The following AP2A1 variants were observed in gnomAD, a reference collection of about 807,000 sequenced individuals.
AP2A1 encodes AP-2 complex subunit alpha-1.
AP2A1 carries 21 observed loss-of-function variants against 107.3 expected under a neutral mutation model. The observed-to-expected ratio is 0.20, with a 90% CI of 0.14 to 0.28. AP2A1 has a LOEUF of 0.28. Ranked by LOEUF, AP2A1 falls within the 10% of genes least tolerant of loss-of-function variation. AP2A1 has a pLI of 1.00. For synonymous variants in AP2A1, 602 were observed against 564.8 expected (o/e 1.07, Z -0.93); for missense variants, 873 against 1,307.7 (o/e 0.67, Z 5.13).
At chr19:49,805,319 A>G (rs1265640030) in intron 18 of AP2A1, 134 bp from the exon 19 acceptor site, 1 of 1,083,492 alleles carries the variant, frequency 9.2e-7, no homozygotes, top group Non-Finnish European at 1.3e-6. Flanking sequence ...ACCTTGTAGG[A>G]TTGAGTCCAG....
intron 15 of AP2A1, 64 bp from the exon 16 acceptor site, chr19:49,802,885 C>T: frequency 2.6e-6 from 4 of 1,541,954 alleles, no homozygotes; most frequent in Non-Finnish European, 3.5e-6. Flanking sequence ...CGCACTCAAT[C>T]GCTCTGGGCC....
At position 49,802,120 on chromosome 19, in the gene AP2A1, C is replaced by T. The variant is rs968855911; in HGVS notation, c.2093C>T (p.Thr698Ile). Reference sequence around the variant, plus strand: ...GCCGCCCAGCCCAGCCTGGGGCCCACCCCCGAGGAGGCCTTCCTCAGGTAG... The same window carrying T: ...GCCGCCCAGCCCAGCCTGGGGCCCATCCCCGAGGAGGCCTTCCTCAGGTAG... ...GPAAQPSLGP[T>I]PEEAFLSPGP... The change falls in exon 15 of 23, where the codon ACC becomes ATC. Residue 698 changes from threonine to isoleucine, a missense_variant. By Grantham distance (89) the Thr-to-Ile change is moderately conservative. Coordinates refer to ENST00000354293, the MANE Select transcript of AP2A1 (RefSeq NM_130787.3). The T allele has an allele frequency of 1.3e-6, 2 of 1,579,022 alleles. No homozygotes were observed. The highest frequency in any genetic ancestry group is 1.1e-5 in the South Asian group (1 of 88,082).
rs964620382 is a variant in AP2A1, at chr19:49,792,037, G to A, written c.576G>A (p.Val192=). 6.2e-7 allele frequency: 1 copy of A among 1,612,470 alleles called. No homozygotes were observed. The highest frequency in any genetic ancestry group is 8.5e-7 in the Non-Finnish European group (1 of 1,179,472). ...CCATGGGCGAGTGGACGGCGCGTGT[G>A]GTACACCTGCTCAATGACCAGCACA... ...LVPMGEWTAR[V]VHLLNDQHMG... The change falls in exon 5 of 23, where the codon GTG becomes GTA. Residue 192 remains valine, a synonymous_variant. Transcript: ENST00000354293.
At chr19:49,792,962 C>A (rs368505857) in intron 5 of AP2A1, 29 bp from the exon 6 acceptor site, 2 of 1,562,182 alleles carry the variant, frequency 1.3e-6, no homozygotes, top group Non-Finnish European at 1.7e-6. Flanking sequence ...CCCCCAGGGG[C>A]CTGACTTGTC....
rs2123702278 is a variant in AP2A1 at position 49,785,410 on chromosome 19, G to T, written c.473+2686G>T. 6.6e-6 allele frequency among the ~76,000 whole-genome samples: 1 copy of T among 152,278 alleles called. No homozygotes were observed. The highest frequency in any genetic ancestry group is 2.1e-4 in the South Asian group (1 of 4,828). On this transcript the variant is annotated intron_variant, in intron 4 of 22. Transcript: ENST00000354293. This position sits in a 1 kb window ranked among gnomAD's most constrained non-coding sequence, Gnocchi z 4.1. ...AGGATGAGGTGGGGACATTGAACAG[G>T]TGAGTGAATGATGGCAGACCTTTCA...
chr19:49,803,078 C>T (rs374705287), intron 16 of AP2A1, 29 bp from the exon 17 acceptor site: 8 of 1,613,692 alleles, frequency 5.0e-6, no homozygotes, highest in Non-Finnish European at 5.9e-6. Context: ...ACAGGCACCC[C>T]CGTCATCTTG....
At chr19:49,780,779 G>A (rs1262721577) in intron 1 of AP2A1, among the ~76,000 whole-genome samples, 1 of 152,138 alleles carries the variant, frequency 6.6e-6, no homozygotes. Flanking sequence ...GGGAGGCTGA[G>A]GTGGGAGGAT....
intron 18 of AP2A1, 81 bp downstream of exon 18, chr19:49,803,457 C>T: frequency 8.8e-7 from 1 of 1,142,354 alleles, no homozygotes; most frequent in South Asian, 1.3e-5. Context: ...GACCCAGGTC[C>T]ACACTTCTCT....
At chr19:49,775,729 G>C (rs971398344) in intron 1 of AP2A1, among the ~76,000 whole-genome samples, 14 of 152,186 alleles carry the variant, frequency 9.2e-5, no homozygotes, top group Non-Finnish European at 1.6e-4. Context: ...AGGATTCAGG[G>C]CTGCTGGGGC....
At chr19:49,771,094 C>T (rs2084551517) in intron 1 of AP2A1, among the ~76,000 whole-genome samples, 1 of 151,226 alleles carries the variant, frequency 6.6e-6, no homozygotes, top group African/African-American at 2.4e-5. Context: ...TCAGGTGATC[C>T]ACTACCCCAG....
At chr19:49,770,339 G>A (rs2084544280) in intron 1 of AP2A1, among the ~76,000 whole-genome samples, 2 of 152,108 alleles carry the variant, frequency 1.3e-5, no homozygotes, top group African/African-American at 2.4e-5. Flanking sequence ...AGGAATTAGG[G>A]CTGGAGAATC....
intron 1 of AP2A1, among the ~76,000 whole-genome samples, chr19:49,775,547 T>G (rs188066329): frequency 6.6e-6 from 1 of 152,312 alleles, no homozygotes; most frequent in African/African-American, 2.4e-5. Context: ...ACTCCTGACC[T>G]CAAGTGATCC....
intron 1 of AP2A1, among the ~76,000 whole-genome samples, chr19:49,770,846 G>A (rs2084548768): frequency 6.6e-6 from 1 of 152,012 alleles, no homozygotes; most frequent in Admixed American, 6.6e-5. Context: ...GCTCATGAAT[G>A]CATAGGTTCT....
At chr19:49,778,871 C>T (rs1214391535) in intron 1 of AP2A1, among the ~76,000 whole-genome samples, 2 of 147,628 alleles carry the variant, frequency 1.4e-5, no homozygotes, top group African/African-American at 5.0e-5. Context: ...TTATGGTATG[C>T]ATATGTATAT....
chr19:49,794,830 T>C (rs1168781772), intron 6 of AP2A1, among the ~76,000 whole-genome samples: 1 of 152,120 alleles, frequency 6.6e-6, no homozygotes, highest in Non-Finnish European at 1.5e-5. Flanking sequence ...GCCCAGCTAA[T>C]TTTTGTATTT....
chr19:49,792,089 C>T (rs575342456), intron 5 of AP2A1, 25 bp downstream of exon 5: 51 of 1,605,610 alleles, frequency 3.2e-5, no homozygotes, highest in South Asian at 1.2e-4. Flanking sequence ...CTCACACCCC[C>T]GGATACCCAG....
chr19:49,798,674 A>C (rs1365955269), intron 7 of AP2A1, 128 bp from the exon 8 acceptor site: 1 of 1,270,508 alleles, frequency 7.9e-7, no homozygotes, highest in African/African-American at 1.5e-5. Flanking sequence ...GAGCTGCAGA[A>C]TTCTCGAGTG....
chr19:49,803,041 C>G (rs543764105), intron 16 of AP2A1, 36 bp downstream of exon 16: 7 of 1,613,708 alleles, frequency 4.3e-6, no homozygotes, highest in South Asian at 3.3e-5. Context: ...GGGAACGGGA[C>G]AGGTGCGGAG....
intron 1 of AP2A1, among the ~76,000 whole-genome samples, chr19:49,774,280 G>A (rs1194770385): frequency 2.6e-5 from 4 of 152,150 alleles, no homozygotes; most frequent in Non-Finnish European, 4.4e-5. Flanking sequence ...TGAAGCAGCC[G>A]TACATCCCTG....
Sources: allele counts gnomAD v4.1 joint callset (sites outside exome capture counted in the v4.1 genomes callset), GRCh38; gene constraint gnomAD v4.1.1; non-coding constraint Gnocchi (gnomAD v3.1); transcripts MANE v1.5; gene names NCBI Gene and HGNC (gene_info 2026-07-23, HGNC 2026-07-21).